The following FMR1 variants were observed in gnomAD, a reference collection of about 807,000 sequenced individuals.
The protein encoded by FMR1 is fragile X messenger ribonucleoprotein 1.
FMR1 carries 13 observed loss-of-function variants against 50.6 expected under a neutral mutation model. That is an observed-to-expected ratio of 0.26 (90% CI 0.17 to 0.41). The LOEUF is 0.41. Among genes scored for constraint, FMR1 ranks in the 10% least tolerant of loss-of-function variants. The pLI, the probability that FMR1 is intolerant of heterozygous loss-of-function variation, is 1.00. For synonymous variants in FMR1, 138 were observed against 164.1 expected (o/e 0.84, Z 1.22); for missense variants, 316 against 491.3 (o/e 0.64, Z 3.37).
intron 2 of FMR1, chrX:147,924,861 T>C (rs1161284377): frequency 9.1e-6 from 1 of 109,963 alleles, no homozygotes; most frequent in Non-Finnish European, 1.9e-5. Context: ...TTGGTATCTT[T>C]CAGAGTTGTT....
At chrX:147,928,506 T>C (rs1266236879) in intron 4 of FMR1, 113 bp downstream of exon 4, 15 of 757,039 alleles carry the variant, frequency 2.0e-5, no homozygotes, top group Non-Finnish European at 2.6e-5. Flanking sequence ...TTTGAGTAAT[T>C]TAATTAAAAT....
At chrX:147,940,689 T>A (rs1557180652) in intron 13 of FMR1, 27 bp downstream of exon 13, 2 of 984,654 alleles carry the variant, frequency 2.0e-6, no homozygotes, top group African/African-American at 3.8e-5. Context: ...CTTTAACTTC[T>A]AATCCTTTTG....
intron 9 of FMR1, among the ~76,000 whole-genome samples, chrX:147,933,117 A>G (rs1323809345): frequency 4.2e-5 from 4 of 94,508 alleles, no homozygotes; most frequent in African/African-American, 1.6e-4. Context: ...TCATTGTTCA[A>G]TCGATCTGTT....
At chrX:147,915,347 A>G (rs1557174944) in intron 1 of FMR1, among the ~76,000 whole-genome samples, 1 of 112,070 alleles carries the variant, frequency 8.9e-6, no homozygotes, top group Non-Finnish European at 1.9e-5. Flanking sequence ...TTATAAATTT[A>G]TAAGTTTATA....
At chrX:147,912,276 CCTTTT>C in intron 1 of FMR1, 46 bp downstream of exon 1, 2 of 1,119,985 alleles carry the variant, frequency 1.8e-6, no homozygotes, top group African/African-American at 1.8e-5. Flanking sequence ...TCCTTCCCTC[CCTTTT>C]CTTCTTGGTG....
chrX:147,919,843 C>T (rs73606774), intron 1 of FMR1, among the ~76,000 whole-genome samples: 3,985 of 112,259 alleles, frequency 0.035, 196 homozygotes, highest in African/African-American at 0.12. Context: ...ATTAATGCTT[C>T]ACTCCATATG....
chrX:147,917,037 C>G (rs1469522034), intron 1 of FMR1, among the ~76,000 whole-genome samples: 1 of 112,451 alleles, frequency 8.9e-6, no homozygotes, highest in Admixed American at 9.4e-5. Context: ...AGCAGGTTTT[C>G]TTTAGGAGGG....
At chrX:147,943,654 T>C in intron 14 of FMR1, 1 of 246,254 alleles carries the variant, frequency 4.1e-6, no homozygotes, top group Non-Finnish European at 7.3e-6. Context: ...CTCATTTTTA[T>C]TTTGTCAGGT....
intron 12 of FMR1, among the ~76,000 whole-genome samples, chrX:147,939,619 A>C (rs1557180290): frequency 4.5e-5 from 5 of 110,214 alleles, no homozygotes. Context: ...TTGATCGGCC[A>C]GGCGCGATGG....
chrX:147,945,756 A>T (rs1281856231), intron 16 of FMR1, 140 bp downstream of exon 16: 1 of 503,978 alleles, frequency 2.0e-6, no homozygotes, highest in Admixed American at 2.9e-5. Flanking sequence ...CAACATTACA[A>T]TTGTAGTCAA....
chrX:147,915,878 A>G (rs782189468), intron 1 of FMR1, among the ~76,000 whole-genome samples: 60 of 112,208 alleles, frequency 5.3e-4, no homozygotes, highest in Admixed American at 1.6e-3. Context: ...GAATTCCTGA[A>G]ATGATGAAAT....
chrX:147,916,436 G>A (rs1338866727), intron 1 of FMR1, among the ~76,000 whole-genome samples: 1 of 110,677 alleles, frequency 9.0e-6, no homozygotes, highest in African/African-American at 3.3e-5. Context: ...ACGGGGCGGG[G>A]GGAGTGGGGA....
chrX:147,923,147 G>A (rs1482421850), intron 2 of FMR1, among the ~76,000 whole-genome samples: 1 of 111,647 alleles, frequency 9.0e-6, no homozygotes, highest in Non-Finnish European at 1.9e-5. Flanking sequence ...GCTAGCAACA[G>A]GACAAAGTAG....
At chrX:147,925,665 A>G (rs1557177411) in intron 3 of FMR1, 32 bp downstream of exon 3, 4 of 912,226 alleles carry the variant, frequency 4.4e-6, no homozygotes, top group Non-Finnish European at 6.4e-6. Context: ...GTCATTTAGC[A>G]CTGAAAGAGT....
intron 9 of FMR1, chrX:147,933,693 G>GT: frequency 1.3e-6 from 1 of 743,987 alleles, no homozygotes; most frequent in East Asian, 9.6e-5. Context: ...CTGCCTATAT[G>GT]TTTTTTATCT....
intron 16 of FMR1, among the ~76,000 whole-genome samples, chrX:147,946,152 C>T (rs920924084): frequency 0.025 from 1 of 40 alleles, no homozygotes; most frequent in African/African-American, 0.2. Context: ...GCTGGGATTA[C>T]AGGCGTGAGC....
At position 147,949,373 on chromosome X, in the gene FMR1, AAAGT is replaced by A; in HGVS notation, c.*530_*533del. ...ACATTTGTCATTTTCATTAGCAAAA[AAAGT>A]TGTATGATCTGTGCCTTTTTTATAT... On this transcript the variant is annotated 3_prime_UTR_variant, in exon 17 of 17. Coordinates refer to ENST00000370475, the MANE Select transcript of FMR1 (RefSeq NM_002024.6). 1 of 329,572 alleles carries A rather than the reference AAAGT, an allele frequency of 3.0e-6. No homozygotes were observed. Among genetic ancestry groups the A allele is most frequent in the South Asian group, 2.6e-5 (1 of 38,458 alleles). The allele number at this position is 329,572 out of a possible 1,213,427, so 27.2% of individuals were successfully genotyped here.
chrX:147,930,975 C>T (rs1346259694), intron 7 of FMR1: 1 of 112,280 alleles, frequency 8.9e-6, no homozygotes, highest in Non-Finnish European at 1.9e-5. Flanking sequence ...GTAGTCAAGA[C>T]TGTGTTCTTA....
rs1300650371 is a variant in FMR1, at chrX:147,916,710, GGTTTGTTTCTTTGTTTCTTTA to G, written c.51+4501_51+4521del. ...CTTTGGTTTGTTTCTTTGTTTCTTT[GGTTTGTTTCTTTGTTTCTTTA>G]GTTTGTTTCTTTGTTTCTTTGTTTC... On this transcript the variant is annotated intron_variant, in intron 1 of 16. Transcript: ENST00000370475. Among the ~76,000 whole-genome samples, 11 of 105,954 alleles carry G rather than the reference GGTTTGTTTCTTTGTTTCTTTA, an allele frequency of 1.0e-4. No individual in the cohort carries two copies. The South Asian group carries it at 2.5e-3, about 24-fold the overall frequency. 92.0% of individuals were successfully genotyped at this position (105,954 alleles called of 115,157 possible). A position where few individuals can be genotyped will look rare whatever the true frequency, so the allele number is the denominator to read the frequency against.
Sources: gnomAD v4.1 joint callset for allele counts (sites outside exome capture counted in the v4.1 genomes callset) on GRCh38, gnomAD v4.1.1 for gene constraint, MANE v1.5 for transcripts, NCBI Gene and HGNC (gene_info 2026-07-23, HGNC 2026-07-21) for gene names.